COPA: variants seen among roughly 807,000 people sequenced by gnomAD.
COPA encodes coat protein complex I subunit alpha.
In COPA, 10 loss-of-function variants were observed where a neutral mutation model predicts 158.7. That is an observed-to-expected ratio of 0.06 (90% confidence interval 0.04 to 0.11). COPA has a LOEUF of 0.11. Ranked by LOEUF, COPA falls within the 10% of genes least tolerant of loss-of-function variation. The probability of loss-of-function intolerance (pLI) is 1.00; values close to 1 mark genes in which losing one functional copy is unlikely to be tolerated. For synonymous variants in COPA, 462 were observed against 542.8 expected (o/e 0.85, Z 2.07); for missense variants, 1,065 against 1,536.7 (o/e 0.69, Z 5.13).
Position 160,339,896 on chromosome 1 carries a change from A to C in COPA, c.228+13T>G. ...TCTTTCCTTTATTCTCAGTTATGACAGACCCTCTGTACCTTAATCTTATAG... is the reference window on the plus strand; with the variant it reads ...TCTTTCCTTTATTCTCAGTTATGACCGACCCTCTGTACCTTAATCTTATAG... On this transcript the variant is annotated intron_variant, in intron 3 of 32. Transcript: ENST00000241704. 1.9e-6 allele frequency: 3 copies of C among 1,611,396 alleles called. No individual in the cohort carries two copies. The highest frequency in any genetic ancestry group is 2.5e-6 in the Non-Finnish European group (3 of 1,177,598).
At chr1:160,290,428 C>T (rs1004196536) in intron 32 of COPA, 64 bp downstream of exon 32, 5 of 1,544,276 alleles carry the variant, frequency 3.2e-6, no homozygotes, top group Non-Finnish European at 3.5e-6. Context: ...AAAGGACCAC[C>T]ATGTTTCTTT....
At chr1:160,332,111 C>A (rs146772823) in intron 6 of COPA, among the ~76,000 whole-genome samples, 28 of 152,242 alleles carry the variant, frequency 1.8e-4, no homozygotes, top group Non-Finnish European at 3.5e-4. Context: ...CTCAAAATTT[C>A]TTTTTGTCAT....
At chr1:160,291,719 C>T (rs1004003897) in intron 30 of COPA, 100 bp downstream of exon 30, 1 of 1,292,138 alleles carries the variant, frequency 7.7e-7, no homozygotes, top group Non-Finnish European at 1.1e-6. Flanking sequence ...AATTTCTCTT[C>T]ATCCCCACTC....
In COPA at chr1:160,297,648, A is replaced by T; in HGVS notation, c.2075T>A (p.Met692Lys). The change falls in exon 20 of 33, where the codon ATG becomes AAG. Residue 692 changes from methionine to lysine, a missense_variant. Met to Lys is a moderately conservative substitution (Grantham distance 95). This residue lies in a region of COPA where 980 missense variants were observed against 1,357.8 expected (regional missense o/e 0.72). Transcript: ENST00000241704. ...AAAGTTTTTGGTACGCTGATAGCACATTTCCACAATCTGGTGGTTCCCCTG... is the reference window on the plus strand; with the variant it reads ...AAAGTTTTTGGTACGCTGATAGCACTTTTCCACAATCTGGTGGTTCCCCTG... ...LLQGNHQIVE[M>K]CYQRTKNFDK... is the part of the protein sequence containing the mutation. 1 of 1,614,114 alleles carries T rather than the reference A, an allele frequency of 6.2e-7. No homozygotes were observed. Among genetic ancestry groups the T allele is most frequent in the South Asian group, 1.1e-5 (1 of 91,084 alleles).
chr1:160,310,734 T>G (rs1220750155), intron 11 of COPA, among the ~76,000 whole-genome samples: 1 of 152,202 alleles, frequency 6.6e-6, no homozygotes, highest in African/African-American at 2.4e-5. Flanking sequence ...TGTTTCAGCA[T>G]GCTGATGCAG....
chr1:160,323,354 G>T, intron 8 of COPA, 77 bp downstream of exon 8: 1 of 1,163,180 alleles, frequency 8.6e-7, no homozygotes, highest in Non-Finnish European at 1.2e-6. Context: ...ATAGGTCAGA[G>T]TCCAGAAGAC....
At position 160,289,892 on chromosome 1, in the gene COPA, A is replaced by G; in HGVS notation, c.*265T>C. The G allele has an allele frequency of 2.7e-6, 1 of 364,132 alleles. No individual in the cohort carries two copies. Among genetic ancestry groups the G allele is most frequent in the Non-Finnish European group, 5.0e-6 (1 of 200,172 alleles). 22.6% of individuals were successfully genotyped at this position (364,132 alleles called of 1,614,324 possible). On this transcript the variant is annotated 3_prime_UTR_variant, in exon 33 of 33. Transcript: ENST00000241704. ...AGGTATGAGCCACTCCACCCAGCCCAGAGTTTTCATTTGTTCCTTAAAATA... is the reference window on the plus strand; with the variant it reads ...AGGTATGAGCCACTCCACCCAGCCCGGAGTTTTCATTTGTTCCTTAAAATA...
intron 8 of COPA, among the ~76,000 whole-genome samples, chr1:160,322,709 G>A (rs1359596739): frequency 6.6e-6 from 1 of 152,152 alleles, no homozygotes; most frequent in Non-Finnish European, 1.5e-5. Flanking sequence ...GCAAGGGTAT[G>A]GAGAAAGGGG....
chr1:160,297,526 C>T, intron 20 of COPA, 30 bp downstream of exon 20: 1 of 1,613,124 alleles, frequency 6.2e-7, no homozygotes, highest in Non-Finnish European at 8.5e-7. Context: ...CCAAGAACCC[C>T]TCTTCCCATC....
chr1:160,339,894 A>AC lies in COPA; in HGVS notation c.228+14dup. The AC allele has an allele frequency of 6.2e-7, 1 of 1,610,736 alleles. No homozygotes were observed. Among genetic ancestry groups the AC allele is most frequent in the East Asian group, 2.2e-5 (1 of 44,856 alleles). On this transcript the variant is annotated intron_variant, in intron 3 of 32. Transcript: ENST00000241704. The stretch of plus-strand genomic sequence containing the variant: ...CCTCTTTCCTTTATTCTCAGTTATG[A>AC]CAGACCCTCTGTACCTTAATCTTAT...
intron 8 of COPA, among the ~76,000 whole-genome samples, chr1:160,315,620 T>G (rs575711634): frequency 6.6e-6 from 1 of 152,304 alleles, no homozygotes; most frequent in South Asian, 2.1e-4. Flanking sequence ...GACCTAGCAG[T>G]ACAGATTTGC....
rs187474805 is a variant in COPA, at chr1:160,311,703, C to T, written c.1076+165G>A. Among the ~76,000 whole-genome samples the T allele has an allele frequency of 1.0e-3, 155 of 151,890 alleles. 3 individuals are homozygous for T. The East Asian group carries it at 0.015, about 15-fold the overall frequency. On this transcript the variant is annotated intron_variant, in intron 11 of 32. Transcript: ENST00000241704. The stretch of plus-strand genomic sequence containing the variant: ...CGGAGCTTGCAGTGAGCCGAGATCG[C>T]GCCACTGCACTCCAGCCTGGGCGAC...
intron 11 of COPA, among the ~76,000 whole-genome samples, 166 bp downstream of exon 11, chr1:160,311,702 G>A (rs554293280): frequency 5.9e-5 from 9 of 152,094 alleles, no homozygotes; most frequent in African/African-American, 1.9e-4. Context: ...AGCCGAGATC[G>A]CGCCACTGCA....
At chr1:160,291,628 A>G (rs762744119) in intron 30 of COPA, 132 bp from the exon 31 acceptor site, 7 of 1,197,822 alleles carry the variant, frequency 5.8e-6, no homozygotes, top group Non-Finnish European at 8.3e-6. Context: ...GAGGTCTTCT[A>G]CCTCCTAGGT....
intron 23 of COPA, 149 bp from the exon 24 acceptor site, chr1:160,295,006 G>C: frequency 1.6e-6 from 1 of 642,906 alleles, no homozygotes; most frequent in Non-Finnish European, 2.7e-6. Flanking sequence ...TATTTTTGTG[G>C]TATATATGTT....
At chr1:160,313,486 C>T (rs1343127940) in intron 9 of COPA, among the ~76,000 whole-genome samples, 1 of 151,788 alleles carries the variant, frequency 6.6e-6, no homozygotes, top group Non-Finnish European at 1.5e-5. Context: ...GCGATCTCGG[C>T]TCACTGCAAG....
rs12027085 is a variant in COPA, at chr1:160,296,906, C to T, written c.2263+437G>A. Among the ~76,000 whole-genome samples the T allele has an allele frequency of 4.6e-5, 7 of 152,310 alleles. No homozygotes were observed. In the East Asian group the frequency reaches 1.3e-3, roughly 29 times the overall value. The stretch of plus-strand genomic sequence containing the variant: ...ACTAATAGCGCCTTGGTCCAAACCT[C>T]ATCTTTCACCTTGCTTGTTTCCTAA... On this transcript the variant is annotated intron_variant, in intron 21 of 32. Coordinates refer to ENST00000241704, the MANE Select transcript of COPA (RefSeq NM_004371.4).
At chr1:160,342,413 A>C (rs1571191034) in intron 1 of COPA, among the ~76,000 whole-genome samples, 1 of 151,986 alleles carries the variant, frequency 6.6e-6, no homozygotes, top group African/African-American at 2.4e-5. Context: ...TTTGCCCTCC[A>C]CCCCCAACGA....
intron 6 of COPA, among the ~76,000 whole-genome samples, chr1:160,330,876 A>G (rs1291162309): frequency 6.6e-6 from 1 of 152,192 alleles, no homozygotes; most frequent in Non-Finnish European, 1.5e-5. Flanking sequence ...AAGGAAATGA[A>G]TACAAAGAAA....
Sources: allele counts gnomAD v4.1 joint callset (sites outside exome capture counted in the v4.1 genomes callset), GRCh38; gene constraint gnomAD v4.1.1; regional missense constraint gnomAD v4.1.1; transcripts MANE v1.5; gene names NCBI Gene and HGNC (gene_info 2026-07-23, HGNC 2026-07-21).